PLXNA2: variants seen among roughly 807,000 people sequenced by gnomAD.
PLXNA2 encodes the protein plexin-A2.
PLXNA2 carries 91 observed loss-of-function variants against 193.5 expected under a neutral mutation model. The ratio of observed to expected loss-of-function variants is 0.47; its 90% CI spans 0.40 to 0.56. The LOEUF is 0.56. Ranked by LOEUF, PLXNA2 falls within the 20% of genes least tolerant of loss-of-function variation. The probability of loss-of-function intolerance (pLI) is 0.00; values close to 1 mark genes in which losing one functional copy is unlikely to be tolerated. For synonymous variants in PLXNA2, 997 were observed against 1,027.3 expected (o/e 0.97, Z 0.56); for missense variants, 1,995 against 2,503.2 (o/e 0.80, Z 4.33).
rs575642874 is a variant in PLXNA2 at position 208,182,157 on chromosome 1, G to A, written c.1371+28123C>T. Among the ~76,000 whole-genome samples, 96 of 152,280 alleles carry A rather than the reference G, an allele frequency of 6.3e-4. 1 individual carries two copies. The highest frequency in any genetic ancestry group is 1.1e-3 in the Non-Finnish European group (72 of 68,036). On this transcript the variant is annotated intron_variant, in intron 3 of 31. Transcript: ENST00000367033. ...TCTCTTCCTTAAGAAATCAAAGGCC[G>A]GGTGCAGTGGCTCACGCCTGTAAAC...
At chr1:208,211,606 T>C (rs1337660462) in intron 2 of PLXNA2, among the ~76,000 whole-genome samples, 1 of 150,334 alleles carries the variant, frequency 6.7e-6, no homozygotes, top group Non-Finnish European at 1.5e-5. Flanking sequence ...GGTGGGAGAA[T>C]CGCCTGAACC....
intron 3 of PLXNA2, among the ~76,000 whole-genome samples, chr1:208,157,100 G>T (rs1668962315): frequency 1.3e-5 from 2 of 152,216 alleles, no homozygotes; most frequent in Admixed American, 6.5e-5. Context: ...ATAATTTACA[G>T]AATGTAATGT....
rs187592017 is a variant in PLXNA2 at position 208,070,710 on chromosome 1, T to C, written c.2586+8550A>G. On this transcript the variant is annotated intron_variant, in intron 12 of 31. Coordinates refer to ENST00000367033, the MANE Select transcript of PLXNA2 (RefSeq NM_025179.4). ...ACTTCAAGAAAGTTATCAGACCTCA[T>C]AGTGCTTCAGTGTTCTCATCTGTAA... Among the ~76,000 whole-genome samples the C allele has an allele frequency of 2.3e-3, 355 of 152,352 alleles. 1 individual carries two copies. The highest frequency in any genetic ancestry group is 5.1e-3 in the Admixed American group (78 of 15,306).
At chr1:208,111,055 A>G (rs778770986) in intron 4 of PLXNA2, among the ~76,000 whole-genome samples, 3 of 152,006 alleles carry the variant, frequency 2.0e-5, no homozygotes, top group Admixed American at 6.5e-5. Context: ...AGATTCCCTA[A>G]GGGATTTTTT....
rs369300149 is a variant in PLXNA2 at position 208,092,802 on chromosome 1, C to T, written c.2081G>A (p.Arg694Gln). 6.2e-6 allele frequency: 10 copies of T among 1,612,534 alleles called. No individual in the cohort carries two copies. Among genetic ancestry groups the T allele is most frequent in the African/African-American group, 5.3e-5 (4 of 74,888 alleles). ...CCTTCTTACCTCTGAAATATTGATC[C>T]GGCCCTCCTGGAAGGAGCAGGTGGT... is the stretch of plus-strand genomic sequence containing the variant. ...DPTTCSFQEGRINISEDCPQL... is the reference protein window; with the variant it reads ...DPTTCSFQEGQINISEDCPQL... Residue 694 changes from arginine to glutamine, a missense_variant, in exon 9 of 32, where the codon CGG becomes CAG. Physicochemically the swap from Arg to Gln is conservative, Grantham distance 43. Coordinates refer to ENST00000367033, the MANE Select transcript of PLXNA2 (RefSeq NM_025179.4).
chr1:208,033,922 G>T, intron 27 of PLXNA2, among the ~76,000 whole-genome samples: 1 of 152,220 alleles, frequency 6.6e-6, no homozygotes. Context: ...CATGGGGCCT[G>T]GGGTATGGGA....
chr1:208,034,619 C>A (rs1358670092), intron 26 of PLXNA2, 27 bp from the exon 27 acceptor site: 1 of 1,444,856 alleles, frequency 6.9e-7, no homozygotes, highest in Admixed American at 1.7e-5. Flanking sequence ...AGGTACAGTA[C>A]AAAAGGTGAA....
chr1:208,209,721 G>A (rs1265035928), intron 3 of PLXNA2, among the ~76,000 whole-genome samples: 1 of 152,168 alleles, frequency 6.6e-6, no homozygotes, highest in Non-Finnish European at 1.5e-5. Flanking sequence ...GAGCTGGGAA[G>A]GGAAGAGTCT....
chr1:208,145,887 C>G (rs1480212184), intron 3 of PLXNA2, among the ~76,000 whole-genome samples: 1 of 152,154 alleles, frequency 6.6e-6, no homozygotes, highest in Non-Finnish European at 1.5e-5. Flanking sequence ...TGAACCCGAA[C>G]TAAGCTATCC....
At chr1:208,176,377 C>G (rs1669661110) in intron 3 of PLXNA2, among the ~76,000 whole-genome samples, 1 of 152,196 alleles carries the variant, frequency 6.6e-6, no homozygotes, top group Non-Finnish European at 1.5e-5. Context: ...GGAGCCATGG[C>G]CAACTTAAGC....
At position 208,044,728 on chromosome 1, in the gene PLXNA2, C is replaced by T. The variant is rs1311619003; in HGVS notation, c.3654G>A (p.Gly1218=). ...TCACCGAGCCAGGCGAGAACACCATCCCGCCCACGTGAACCTGTGCATTGT... is the reference window on the plus strand; with the variant it reads ...TCACCGAGCCAGGCGAGAACACCATTCCGCCCACGTGAACCTGTGCATTGT... ...GQHKVMVHVG[G]MVFSPGSVSV... is the part of the protein sequence containing the mutation. The change falls in exon 20 of 32, where the codon GGG becomes GGA. Residue 1218 remains glycine, a synonymous_variant. Transcript: ENST00000367033. This position sits in a 1 kb window ranked among gnomAD's most constrained non-coding sequence, Gnocchi z 4.9. 8 of 1,613,602 alleles carry T rather than the reference C, an allele frequency of 5.0e-6. No homozygotes were observed. The highest frequency in any genetic ancestry group is 6.8e-6 in the Non-Finnish European group (8 of 1,179,778).
chr1:208,179,305 C>T (rs544446192), intron 3 of PLXNA2, among the ~76,000 whole-genome samples: 94 of 152,340 alleles, frequency 6.2e-4, no homozygotes, highest in Non-Finnish European at 1.2e-3. Context: ...GGCACTTTCC[C>T]GTCCTCGGTC....
intron 12 of PLXNA2, among the ~76,000 whole-genome samples, chr1:208,066,884 AC>A (rs1340861084): frequency 6.6e-6 from 1 of 152,240 alleles, no homozygotes; most frequent in Non-Finnish European, 1.5e-5. Flanking sequence ...CTTTAACAAA[AC>A]AAATTTAAAA....
In PLXNA2 at chr1:208,132,319, T is replaced by C. The variant is rs191699941; in HGVS notation, c.1506+10010A>G. Among the ~76,000 whole-genome samples, 546 of 152,042 alleles carry C rather than the reference T, an allele frequency of 3.6e-3. 2 individuals are homozygous for C. The highest frequency in any genetic ancestry group is 0.013 in the African/African-American group (526 of 41,438). ...CCTTTTCCTAACTGGGAGCCGGGTG[T>C]GGGGAGAGCAGGAGGGGAGGAGCCT... On this transcript the variant is annotated intron_variant, in intron 4 of 31. Transcript: ENST00000367033.
chr1:208,080,317 C>G (rs986425445), intron 11 of PLXNA2, among the ~76,000 whole-genome samples: 1 of 152,046 alleles, frequency 6.6e-6, no homozygotes, highest in South Asian at 2.1e-4. Context: ...TGTGCAAACC[C>G]TTTGTCTTTT....
intron 4 of PLXNA2, among the ~76,000 whole-genome samples, chr1:208,133,727 C>T (rs1668225814): frequency 6.6e-6 from 1 of 152,250 alleles, no homozygotes; most frequent in Admixed American, 6.5e-5. Flanking sequence ...ACAGTGTTCA[C>T]TCTTGTCTGT....
At chr1:208,113,234 C>A (rs2102435557) in intron 4 of PLXNA2, among the ~76,000 whole-genome samples, 1 of 152,262 alleles carries the variant, frequency 6.6e-6, no homozygotes, top group East Asian at 1.9e-4. Context: ...TGCCCTACCC[C>A]AGGAGGGGGA....
At position 208,042,160 on chromosome 1, in the gene PLXNA2, C is replaced by G; in HGVS notation, c.4224G>C (p.Leu1408=). 6.2e-7 allele frequency: 1 copy of G among 1,614,204 alleles called. No individual in the cohort carries two copies. Among genetic ancestry groups the G allele is most frequent in the Non-Finnish European group, 8.5e-7 (1 of 1,180,024 alleles). The change falls in exon 22 of 32, where the codon CTG becomes CTC. Residue 1408 remains leucine, a synonymous_variant. Coordinates refer to ENST00000367033, the MANE Select transcript of PLXNA2 (RefSeq NM_025179.4). ...GGTTCTTATCGATGAGGTCAGAGAG[C>G]AGCTGCTTGAGGACATCAGTGGCAT... The part of the protein sequence containing the change: ...LEYATDVLKQ[L]LSDLIDKNLE...
rs371680970 is a variant in PLXNA2, at chr1:208,217,293, T to C, written c.630A>G (p.Ser210=). The C allele has an allele frequency of 3.2e-5, 51 of 1,613,938 alleles. No individual in the cohort carries two copies. The highest frequency in any genetic ancestry group is 3.9e-5 in the Non-Finnish European group (46 of 1,180,010). The stretch of plus-strand genomic sequence containing the variant: ...TGTGTAGCTCATAGTCGAGCATGGC[T>C]GAGGACTCAGGGTCTCGGGGCAGCT... ...SRKLPRDPES[S]AMLDYELHSD... Residue 210 remains serine (S), a synonymous_variant, in exon 2 of 32, where the codon TCA becomes TCG. Transcript: ENST00000367033. The surrounding 1 kb of genome is among the most constrained non-coding windows in gnomAD (Gnocchi z 4.7).
Sources: gnomAD v4.1 joint callset for allele counts (sites outside exome capture counted in the v4.1 genomes callset) on GRCh38, gnomAD v4.1.1 for gene constraint, Gnocchi (gnomAD v3.1) non-coding constraint, MANE v1.5 for transcripts, NCBI Gene and HGNC (gene_info 2026-07-23, HGNC 2026-07-21) for gene names.